Variants in ZNF423 observed in about 807,000 individuals in gnomAD.
ZNF423 encodes the protein Ebf-associated zinc finger protein.
In ZNF423, 12 loss-of-function variants were observed where a neutral mutation model predicts 95.8. The ratio of observed to expected loss-of-function variants is 0.13; its 90% confidence interval spans 0.08 to 0.20. ZNF423 has a LOEUF of 0.20. ZNF423 is among the 10% of genes least tolerant of loss of function. The pLI is 1.00. For synonymous variants in ZNF423, 749 were observed against 711.9 expected, an observed-to-expected ratio of 1.05 and a Z score of -0.83; for missense variants, 1,316 against 1,737.1, an observed-to-expected ratio of 0.76 and a Z score of 4.31.
rs367950627 is a variant in ZNF423, at chr16:49,669,058, G to A, written c.302-30184C>T. Among the ~76,000 whole-genome samples the A allele has an allele frequency of 3.0e-4, 46 of 152,224 alleles. No homozygotes were observed. The East Asian group carries it at 4.6e-3, about 15-fold the overall frequency. Reference sequence around the variant, plus strand: ...TCTTAAATCCATCTCAACCATGCGCGGCAGCTCATGTCTGTAATCCTAGCA... The same window carrying A: ...TCTTAAATCCATCTCAACCATGCGCAGCAGCTCATGTCTGTAATCCTAGCA... On this transcript the variant is annotated intron_variant, in intron 3 of 7. Coordinates refer to ENST00000563137, the MANE Select transcript of ZNF423 (RefSeq NM_001379286.1).
chr16:49,690,990 A>C (rs2031758447), intron 3 of ZNF423, among the ~76,000 whole-genome samples: 1 of 152,246 alleles, frequency 6.6e-6, no homozygotes, highest in Non-Finnish European at 1.5e-5. Context: ...GCTCCCCGGC[A>C]GCCCATGGCT....
At chr16:49,817,259 G>A (rs188189446) in intron 1 of ZNF423, among the ~76,000 whole-genome samples, 2 of 152,326 alleles carry the variant, frequency 1.3e-5, no homozygotes, top group East Asian at 3.9e-4. Flanking sequence ...GGAGGCAGGG[G>A]AAAGTTTACC....
chr16:49,667,442 G>A (rs2030598181), intron 3 of ZNF423, among the ~76,000 whole-genome samples: 1 of 152,234 alleles, frequency 6.6e-6, no homozygotes, highest in Non-Finnish European at 1.5e-5. Context: ...ATTAAACAGG[G>A]TAAAAAGAGG....
At chr16:49,554,696 T>C (rs1969762134) in intron 5 of ZNF423, among the ~76,000 whole-genome samples, 1 of 151,890 alleles carries the variant, frequency 6.6e-6, no homozygotes, top group Non-Finnish European at 1.5e-5. Context: ...TTATTTTCAG[T>C]TGGCTTTTCT....
chr16:49,639,202 C>G (rs897441390), intron 3 of ZNF423, among the ~76,000 whole-genome samples: 1 of 152,196 alleles, frequency 6.6e-6, no homozygotes. Context: ...GCAGCCTGGA[C>G]AAAGTCACTG....
intron 1 of ZNF423, among the ~76,000 whole-genome samples, chr16:49,804,742 T>A (rs1231591908): frequency 1.3e-5 from 2 of 152,158 alleles, no homozygotes; most frequent in Non-Finnish European, 2.9e-5. Context: ...TATTTTGCTG[T>A]GTGACTTGGG....
chr16:49,488,003 T>G lies in ZNF423; in HGVS notation c.*3272A>C, dbSNP rs968744950. On this transcript the variant is annotated 3_prime_UTR_variant, in exon 8 of 8. Transcript: ENST00000563137. ...CTTGCCTGTGCCACTGTGGCCTCCA[T>G]GAGGCCAGGGACCACATCTGCTGGT... 1 of 152,242 alleles carries G rather than the reference T, an allele frequency of 6.6e-6. No individual in the cohort carries two copies. Among genetic ancestry groups the G allele is most frequent in the Non-Finnish European group, 1.5e-5 (1 of 68,058 alleles). The allele number at this position is 152,242 out of a possible 1,614,324, so 9.4% of individuals were successfully genotyped here.
At chr16:49,557,321 C>A (rs961188327) in intron 5 of ZNF423, among the ~76,000 whole-genome samples, 1 of 152,194 alleles carries the variant, frequency 6.6e-6, no homozygotes, top group Non-Finnish European at 1.5e-5. Flanking sequence ...GGGGGGCAGA[C>A]GCCGCAGCCC....
At chr16:49,805,466 G>A (rs1287269512) in intron 1 of ZNF423, among the ~76,000 whole-genome samples, 3 of 152,174 alleles carry the variant, frequency 2.0e-5, no homozygotes, top group African/African-American at 7.2e-5. Flanking sequence ...GAGGGAGATG[G>A]AGCCCAGATT....
chr16:49,669,960 G>A (rs62031928), intron 3 of ZNF423, among the ~76,000 whole-genome samples: 1 of 152,230 alleles, frequency 6.6e-6, no homozygotes, highest in African/African-American at 2.4e-5. Context: ...GCCACACACG[G>A]GATTATTGAG....
rs747053917 is a variant in ZNF423 at position 49,808,417 on chromosome 16, T to C, written c.41-18871A>G. Among the ~76,000 whole-genome samples the C allele has an allele frequency of 4.8e-4, 73 of 152,138 alleles. No individual in the cohort carries two copies. The Middle Eastern group carries it at 0.01, about 21-fold the overall frequency. ...TAAGAAGTAACATGTTCCTAACAGA[T>C]GAAGGAATAAATATATATAAGTATG... On this transcript the variant is annotated intron_variant, in intron 1 of 7. Transcript: ENST00000563137.
At chr16:49,831,934 G>A (rs996867477) in intron 1 of ZNF423, among the ~76,000 whole-genome samples, 35 of 151,346 alleles carry the variant, frequency 2.3e-4, no homozygotes, top group African/African-American at 8.5e-4. Context: ...CAAGGAGGCA[G>A]AGGTTGCAGT....
intron 1 of ZNF423, among the ~76,000 whole-genome samples, chr16:49,803,864 C>CT (rs2034617640): frequency 6.6e-6 from 1 of 151,358 alleles, no homozygotes; most frequent in African/African-American, 2.4e-5. Flanking sequence ...GGTGGGGTCT[C>CT]TGTCTCCATA....
intron 3 of ZNF423, among the ~76,000 whole-genome samples, chr16:49,650,182 C>T (rs987783705): frequency 2.0e-5 from 3 of 152,186 alleles, no homozygotes; most frequent in African/African-American, 7.2e-5. Flanking sequence ...CTTCCAGGGA[C>T]TCAAAACTTA....
In ZNF423 at chr16:49,509,639, C is replaced by T. The variant is rs1567432124; in HGVS notation, c.3849+13985G>A. On this transcript the variant is annotated intron_variant, in intron 7 of 7. Coordinates refer to ENST00000563137, the MANE Select transcript of ZNF423 (RefSeq NM_001379286.1). ...TTCCACCCAGAGCACCCTGGTCTCTCGTTGATGGGGGCTAAGACATCCCCA... is the reference window on the plus strand; with the variant it reads ...TTCCACCCAGAGCACCCTGGTCTCTTGTTGATGGGGGCTAAGACATCCCCA... 3.3e-5 allele frequency among the ~76,000 whole-genome samples: 5 copies of T among 152,104 alleles called. No individual in the cohort carries two copies. In the South Asian group the frequency reaches 1.0e-3, roughly 32 times the overall value.
At chr16:49,555,353 A>T (rs751265009) in intron 5 of ZNF423, among the ~76,000 whole-genome samples, 1 of 152,230 alleles carries the variant, frequency 6.6e-6, no homozygotes, top group Non-Finnish European at 1.5e-5. Flanking sequence ...GGCATCACTC[A>T]ATAAACAGAG....
intron 5 of ZNF423, among the ~76,000 whole-genome samples, chr16:49,615,130 T>TCTCACACACACACACA (rs373291400): frequency 1.4e-5 from 2 of 141,154 alleles, no homozygotes; most frequent in African/African-American, 5.5e-5. Context: ...AAACTCCATC[T>TCTCACACACACACACA]CACACACACA....
At chr16:49,575,141 T>C (rs1201789162) in intron 5 of ZNF423, among the ~76,000 whole-genome samples, 2 of 152,160 alleles carry the variant, frequency 1.3e-5, no homozygotes, top group African/African-American at 2.4e-5. Context: ...AAGTGGCTCA[T>C]TCACGCGAAC....
intron 2 of ZNF423, among the ~76,000 whole-genome samples, chr16:49,731,866 A>C (rs2033177657): frequency 6.6e-6 from 1 of 152,158 alleles, no homozygotes; most frequent in South Asian, 2.1e-4. Flanking sequence ...GACAGTTAGA[A>C]TCAGTCGTGG....
Sources: gnomAD v4.1 joint callset for allele counts (sites outside exome capture counted in the v4.1 genomes callset) on GRCh38, gnomAD v4.1.1 for gene constraint, MANE v1.5 for transcripts, NCBI Gene and HGNC (gene_info 2026-07-23, HGNC 2026-07-21) for gene names.